Variants in SYT9 observed in about 807,000 individuals in gnomAD.
SYT9 encodes the protein synaptotagmin 9.
SYT9 carries 22 observed loss-of-function variants against 48.4 expected under a neutral mutation model. The observed-to-expected ratio is 0.45, with a 90% confidence interval of 0.32 to 0.65. The LOEUF is 0.65. SYT9 is among the 30% of genes least tolerant of loss of function. The pLI is 0.03. For synonymous variants in SYT9, 265 were observed against 245.0 expected (o/e 1.08, Z -0.76); for missense variants, 577 against 622.0 (o/e 0.93, Z 0.77).
At chr11:7,263,643 G>C (rs4757988) in intron 1 of SYT9, among the ~76,000 whole-genome samples, 91,008 of 151,992 alleles carry the variant, frequency 0.6, 28,154 homozygotes, top group East Asian at 0.74. Context: ...AGTATTCCTA[G>C]GTGGAAGGAA....
At chr11:7,272,731 C>T (rs1313369854) in intron 1 of SYT9, among the ~76,000 whole-genome samples, 3 of 152,134 alleles carry the variant, frequency 2.0e-5, no homozygotes, top group African/African-American at 7.2e-5. Flanking sequence ...AGGAGGGGCA[C>T]CTATCCCAAA....
intron 6 of SYT9, among the ~76,000 whole-genome samples, chr11:7,431,692 C>T (rs1847574992): frequency 1.3e-5 from 2 of 152,244 alleles, no homozygotes; most frequent in Non-Finnish European, 2.9e-5. Flanking sequence ...CAGGACACTG[C>T]TCCCCACATC....
intron 3 of SYT9, among the ~76,000 whole-genome samples, chr11:7,374,639 GT>G (rs1850421167): frequency 6.6e-6 from 1 of 152,174 alleles, no homozygotes; most frequent in Non-Finnish European, 1.5e-5. Flanking sequence ...GTATCTCATT[GT>G]GGTTTTGATT....
chr11:7,242,964 T>A (rs1376088795), intron 1 of SYT9, among the ~76,000 whole-genome samples: 1 of 152,118 alleles, frequency 6.6e-6, no homozygotes, highest in Non-Finnish European at 1.5e-5. Context: ...GAGAATTGCT[T>A]GAACCCGGGA....
chr11:7,376,345 T>TTCCTTCCTTCCTTCCTTCC (rs1850454226), intron 3 of SYT9, among the ~76,000 whole-genome samples: 1 of 142,666 alleles, frequency 7.0e-6, no homozygotes, highest in Non-Finnish European at 1.5e-5. Flanking sequence ...TCCCTCTTTC[T>TTCCTTCCTTCCTTCCTTCC]TTCCTTCCTT....
chr11:7,283,255 C>T (rs1425284652), intron 1 of SYT9, among the ~76,000 whole-genome samples: 1 of 151,388 alleles, frequency 6.6e-6, no homozygotes. Context: ...GCTATTTTTG[C>T]TCCCAAACTG....
intron 6 of SYT9, among the ~76,000 whole-genome samples, chr11:7,459,328 G>A (rs1848202477): frequency 6.6e-6 from 1 of 152,188 alleles, no homozygotes; most frequent in African/African-American, 2.4e-5. Flanking sequence ...AAATGGATGA[G>A]ATGTAAATGG....
At chr11:7,249,744 G>T (rs543832893), upstream of SYT9, among the ~76,000 whole-genome samples, 1 of 152,076 alleles carries the variant, frequency 6.6e-6, no homozygotes, top group African/African-American at 2.4e-5. Flanking sequence ...AAAGATACAC[G>T]TTATCTTTGA....
chr11:7,277,473 G>GA (rs1328061264), intron 1 of SYT9, among the ~76,000 whole-genome samples: 1 of 152,082 alleles, frequency 6.6e-6, no homozygotes, highest in Non-Finnish European at 1.5e-5. Context: ...AATCTAAACA[G>GA]AAAAAAGAGA....
intron 3 of SYT9, among the ~76,000 whole-genome samples, chr11:7,401,160 T>G (rs1846884030): frequency 6.6e-6 from 1 of 152,102 alleles, no homozygotes. Context: ...CATGGTTCAA[T>G]GTACACAAAC....
chr11:7,392,161 T>C (rs577214679), intron 3 of SYT9, among the ~76,000 whole-genome samples: 1 of 152,322 alleles, frequency 6.6e-6, no homozygotes, highest in African/African-American at 2.4e-5. Context: ...TTTTGAGGAC[T>C]TAGTCATACA....
intron 6 of SYT9, among the ~76,000 whole-genome samples, chr11:7,466,210 A>G (rs977525535): frequency 3.9e-5 from 6 of 152,168 alleles, no homozygotes; most frequent in African/African-American, 1.4e-4. Context: ...TAAATGGCTT[A>G]GCTCAAGACT....
intron 6 of SYT9, among the ~76,000 whole-genome samples, chr11:7,445,254 T>C (rs902135682): frequency 6.6e-6 from 1 of 152,226 alleles, no homozygotes; most frequent in Non-Finnish European, 1.5e-5. Flanking sequence ...CATACATGTA[T>C]GTACAAGAAA....
chr11:7,271,803 C>T (rs1459479373), intron 1 of SYT9, among the ~76,000 whole-genome samples: 2 of 152,096 alleles, frequency 1.3e-5, no homozygotes, highest in African/African-American at 2.4e-5. Context: ...GTCTCAATCT[C>T]CTGACCTCAT....
chr11:7,419,474 T>C (rs922067829), intron 5 of SYT9, among the ~76,000 whole-genome samples: 3 of 151,010 alleles, frequency 2.0e-5, no homozygotes, highest in Admixed American at 6.6e-5. Context: ...AGAGAAAGTA[T>C]GTGAGTTTGG....
At chr11:7,373,432 C>CTGGCATATAACAA (rs1850398680) in intron 3 of SYT9, among the ~76,000 whole-genome samples, 1 of 152,104 alleles carries the variant, frequency 6.6e-6, no homozygotes, top group Admixed American at 6.6e-5. Context: ...TATTGTTATA[C>CTGGCATATAACAA]TGGCATATGT....
intron 3 of SYT9, among the ~76,000 whole-genome samples, chr11:7,334,639 T>TGCCACCCATCCCCCCAATCCCC (rs71056797): frequency 7.0e-6 from 1 of 142,548 alleles, no homozygotes; most frequent in Non-Finnish European, 1.5e-5. Flanking sequence ...CTCCACTCCC[T>TGCCACCCATCCCCCCAATCCCC]GCCACCCATC....
chr11:7,389,020 T>A (rs1447625480), intron 3 of SYT9, among the ~76,000 whole-genome samples: 1 of 152,220 alleles, frequency 6.6e-6, no homozygotes, highest in Non-Finnish European at 1.5e-5. Context: ...ATTGTGTGGT[T>A]GTTTAATAAA....
chr11:7,279,065 C>T (rs1439423065), intron 1 of SYT9, among the ~76,000 whole-genome samples: 1 of 152,154 alleles, frequency 6.6e-6, no homozygotes, highest in Non-Finnish European at 1.5e-5. Flanking sequence ...CAGAAAACAT[C>T]CAACAGAGGC....
Sources: allele counts gnomAD v4.1 joint callset (sites outside exome capture counted in the v4.1 genomes callset), GRCh38; gene constraint gnomAD v4.1.1; transcripts MANE v1.5; gene names NCBI Gene and HGNC (gene_info 2026-07-23, HGNC 2026-07-21).